The following CD163L1 variants were observed in gnomAD, a reference collection of about 807,000 sequenced individuals.
The protein encoded by CD163L1 is scavenger receptor cysteine-rich type 1 protein M160.
Under a neutral mutation model 165.4 loss-of-function variants are expected in CD163L1, and 124 were observed. The observed-to-expected ratio is 0.75, with a 90% confidence interval of 0.65 to 0.87. The LOEUF (loss-of-function observed/expected upper bound fraction) is 0.87. Among genes scored for constraint, CD163L1 ranks in the 40% least tolerant of loss-of-function variants. CD163L1 has a pLI of 0.00. For synonymous variants in CD163L1, 585 were observed against 662.2 expected (o/e 0.88, Z 1.79); for missense variants, 1,525 against 1,799.9 (o/e 0.85, Z 2.76).
chr12:7,339,607 T>C, the CD163L1 span, among the ~76,000 whole-genome samples: 1 of 152,124 alleles, frequency 6.6e-6, no homozygotes, highest in Admixed American at 6.5e-5. Flanking sequence ...AGTGAAACAG[T>C]CTCTTCAAAG....
At chr12:7,414,268 G>C (rs1198867916) in intron 4 of CD163L1, among the ~76,000 whole-genome samples, 1 of 151,984 alleles carries the variant, frequency 6.6e-6, no homozygotes, top group Non-Finnish European at 1.5e-5. Context: ...TAAAGAGATA[G>C]AAACAATTGA....
downstream of CD163L1, among the ~76,000 whole-genome samples, chr12:7,350,560 TATAA>T (rs1180246296): frequency 1.3e-5 from 2 of 152,180 alleles, no homozygotes; most frequent in African/African-American, 4.8e-5. Context: ...TTCCTCAACT[TATAA>T]ATGTCAATTT....
Position 7,432,106 on chromosome 12 carries a change from A to G in CD163L1, c.766+310T>C, listed in dbSNP as rs760298793. ...AAGAATGAGTGACCTCAGAGAAAGA[A>G]GGGAAAAATATGATATTGTGTCAAG... is the stretch of plus-strand genomic sequence containing the variant. On this transcript the variant is annotated intron_variant, in intron 4 of 19. Transcript: ENST00000313599. This position sits in a 1 kb window ranked among gnomAD's most constrained non-coding sequence, Gnocchi z 4.2. Among the ~76,000 whole-genome samples the G allele has an allele frequency of 6.6e-6, 1 of 152,208 alleles. No individual in the cohort carries two copies.
chr12:7,421,049 G>GA (rs1948350571), intron 4 of CD163L1, among the ~76,000 whole-genome samples: 1 of 71,594 alleles, frequency 1.4e-5, no homozygotes, highest in African/African-American at 1.1e-4. Flanking sequence ...GTATATATAT[G>GA]TATATACGTA....
the CD163L1 span, among the ~76,000 whole-genome samples, chr12:7,326,259 G>A: frequency 1.3e-5 from 2 of 152,094 alleles, no homozygotes; most frequent in Non-Finnish European, 2.9e-5. Flanking sequence ...GTGGAGTGCC[G>A]TGGTGCAGTT....
In CD163L1 at chr12:7,369,221, G is replaced by A. The variant is rs112986320; in HGVS notation, c.4039+136C>T. The A allele has an allele frequency of 4.4e-5, 45 of 1,026,686 alleles. No individual in the cohort carries two copies. Among genetic ancestry groups the A allele is most frequent in the African/African-American group, 4.0e-4 (25 of 62,594 alleles). 63.6% of individuals were successfully genotyped at this position (1,026,686 alleles called of 1,614,324 possible). A position where few individuals can be genotyped will look rare whatever the true frequency, so the allele number is the denominator to read the frequency against. ...TTATCTTATTTAGTTGTGGAAAAAC[G>A]TTAGTTTAACATAGCCTTTCATTCT... is the stretch of plus-strand genomic sequence containing the variant. On this transcript the variant is annotated intron_variant, in intron 15 of 19. Coordinates refer to ENST00000313599, the MANE Select transcript of CD163L1 (RefSeq NM_174941.6). The surrounding 1 kb of genome is among the most constrained non-coding windows in gnomAD (Gnocchi z 4.9).
intron 4 of CD163L1, among the ~76,000 whole-genome samples, chr12:7,417,181 G>A (rs939219890): frequency 2.6e-5 from 4 of 152,086 alleles, no homozygotes; most frequent in Non-Finnish European, 4.4e-5. Context: ...AGTAGCAATT[G>A]TGAATGGGAG....
intron 1 of CD163L1, among the ~76,000 whole-genome samples, chr12:7,443,246 C>A (rs1268253304): frequency 6.6e-6 from 1 of 152,148 alleles, no homozygotes; most frequent in African/African-American, 2.4e-5. Context: ...AAAACAGTTA[C>A]AAAATATTAA....
At chr12:7,343,837 C>A (rs1946652202), downstream of CD163L1, among the ~76,000 whole-genome samples, 1 of 152,210 alleles carries the variant, frequency 6.6e-6, no homozygotes, top group Non-Finnish European at 1.5e-5. Context: ...CAATAGTCCT[C>A]TAGAGTCTTA....
At chr12:7,371,216 T>C (rs1947139628) in intron 14 of CD163L1, among the ~76,000 whole-genome samples, 1 of 152,226 alleles carries the variant, frequency 6.6e-6, no homozygotes, top group East Asian at 1.9e-4. Context: ...CTCTGGTATT[T>C]CTTTATTAGC....
the CD163L1 span, among the ~76,000 whole-genome samples, chr12:7,329,761 A>G: frequency 6.6e-6 from 1 of 152,176 alleles, no homozygotes; most frequent in Non-Finnish European, 1.5e-5. Flanking sequence ...AAACCTGAAA[A>G]CAAATTTTTT....
intron 8 of CD163L1, among the ~76,000 whole-genome samples, chr12:7,388,575 T>A (rs1947572055): frequency 6.6e-6 from 1 of 151,904 alleles, no homozygotes; most frequent in Non-Finnish European, 1.5e-5. Context: ...AAACCCCATC[T>A]CTACAAAAAA....
intron 5 of CD163L1, among the ~76,000 whole-genome samples, chr12:7,405,824 G>A (rs559636466): frequency 5.3e-4 from 81 of 152,234 alleles, no homozygotes; most frequent in South Asian, 2.1e-3. Flanking sequence ...TTCTCCTTTC[G>A]TAAGAATATT....
chr12:7,402,449 T>G (rs1000896651), intron 6 of CD163L1, among the ~76,000 whole-genome samples: 2 of 152,044 alleles, frequency 1.3e-5, no homozygotes, highest in Non-Finnish European at 2.9e-5. Context: ...GCTTTTAGGA[T>G]ATCAATAAAT....
chr12:7,330,897 G>A, the CD163L1 span, among the ~76,000 whole-genome samples: 3 of 152,174 alleles, frequency 2.0e-5, no homozygotes, highest in Non-Finnish European at 4.4e-5. Context: ...TTCCAACTGA[G>A]GTACCAGGTT....
chr12:7,412,371 C>T (rs760708844), intron 4 of CD163L1, among the ~76,000 whole-genome samples: 28 of 152,072 alleles, frequency 1.8e-4, no homozygotes, highest in Admixed American at 5.9e-4. Context: ...TGCTGTATTA[C>T]GCAGGACACC....
chr12:7,323,175 T>C, the CD163L1 span: 2 of 1,443,836 alleles, frequency 1.4e-6, no homozygotes, highest in South Asian at 1.3e-5. Context: ...TTCATTGCCA[T>C]GATATAGTTT....
chr12:7,421,056 CGT>C (rs1565808829), intron 4 of CD163L1, among the ~76,000 whole-genome samples: 3,855 of 70,326 alleles, frequency 0.055, 82 homozygotes, highest in Admixed American at 0.15. Context: ...TATGTATATA[CGT>C]ATATATGTAT....
chr12:7,320,913 C>A, the CD163L1 span: 1 of 954,228 alleles, frequency 1.0e-6, no homozygotes. Context: ...GTCTTACCAC[C>A]ACTGACATTT....
Sources: allele counts gnomAD v4.1 joint callset (sites outside exome capture counted in the v4.1 genomes callset), GRCh38; gene constraint gnomAD v4.1.1; non-coding constraint Gnocchi (gnomAD v3.1); transcripts MANE v1.5; gene names NCBI Gene and HGNC (gene_info 2026-07-23, HGNC 2026-07-21).